THSD4: variants seen among roughly 807,000 people sequenced by gnomAD.
The protein encoded by THSD4 is thrombospondin type 1 domain containing 4.
THSD4 carries 69 observed loss-of-function variants against 119.0 expected under a neutral mutation model. That is an observed-to-expected ratio of 0.58 (90% CI 0.48 to 0.71). The LOEUF is 0.71. Among genes scored for constraint, THSD4 ranks in the 30% least tolerant of loss-of-function variants. The probability of loss-of-function intolerance (pLI) is 0.00; values close to 1 mark genes in which losing one functional copy is unlikely to be tolerated. For missense variants in THSD4, 1,393 were observed against 1,391.1 expected (o/e 1.00, Z -0.02); for synonymous variants, 524 against 540.4 (o/e 0.97, Z 0.42).
At chr15:71,260,485 T>TATACAGAGCA (rs1199582965) in intron 6 of THSD4, among the ~76,000 whole-genome samples, 1 of 152,134 alleles carries the variant, frequency 6.6e-6, no homozygotes, top group African/African-American at 2.4e-5. Context: ...CAGAGCATTA[T>TATACAGAGCA]TCATTGGTGG....
Position 71,777,331 on chromosome 15 carries a change from C to A in THSD4, c.3014C>A (p.Thr1005Asn). Residue 1005 changes from threonine to asparagine, a missense_variant, in exon 18 of 18, where the codon ACC becomes AAC. Thr to Asn is a moderately conservative substitution (Grantham distance 65). Transcript: ENST00000261862. ...YYKTACCASC[T>N]RVANRQTGFL... ...AAGACCGCCTGCTGTGCCTCCTGCA[C>A]CCGTGTGGCCAACAGGCAGACGGGC... is the stretch of plus-strand genomic sequence containing the variant. 6.2e-7 allele frequency: 1 copy of A among 1,614,218 alleles called. No individual in the cohort carries two copies. Among genetic ancestry groups the A allele is most frequent in the African/African-American group, 1.3e-5 (1 of 75,060 alleles).
At chr15:71,374,516 G>C (rs1324063800) in intron 6 of THSD4, among the ~76,000 whole-genome samples, 4 of 152,172 alleles carry the variant, frequency 2.6e-5, no homozygotes, top group African/African-American at 9.6e-5. Flanking sequence ...ATCCAAATCA[G>C]AAAGTGGTGG....
intron 6 of THSD4, among the ~76,000 whole-genome samples, chr15:71,355,391 CAT>C (rs1018149580): frequency 7.2e-4 from 110 of 152,228 alleles, no homozygotes; most frequent in South Asian, 5.0e-3. Context: ...CTGTGTGTGT[CAT>C]GTGTGTGTGC....
chr15:71,184,790 A>G (rs1221655134), intron 3 of THSD4, among the ~76,000 whole-genome samples: 1 of 151,776 alleles, frequency 6.6e-6, no homozygotes, highest in African/African-American at 2.4e-5. Flanking sequence ...CATCCTGGTC[A>G]TATACAACTG....
At chr15:71,459,166 T>C (rs1475634474) in intron 7 of THSD4, among the ~76,000 whole-genome samples, 6 of 147,470 alleles carry the variant, frequency 4.1e-5, no homozygotes, top group African/African-American at 5.0e-5. Flanking sequence ...TTTTCTTTTT[T>C]TTTTTTTTTT....
At chr15:71,454,378 G>A (rs1232242666) in intron 7 of THSD4, among the ~76,000 whole-genome samples, 5 of 152,222 alleles carry the variant, frequency 3.3e-5, no homozygotes, top group Non-Finnish European at 7.3e-5. Context: ...TTTTCTGTAT[G>A]TTGATGTAAC....
chr15:71,758,474 A>G (rs969680068), intron 15 of THSD4, among the ~76,000 whole-genome samples: 7 of 152,244 alleles, frequency 4.6e-5, no homozygotes, highest in African/African-American at 1.7e-4. Context: ...GGCTGCTGCT[A>G]TTATTCCTGT....
At chr15:71,743,978 A>G (rs1019675422) in intron 11 of THSD4, among the ~76,000 whole-genome samples, 1 of 152,138 alleles carries the variant, frequency 6.6e-6, no homozygotes, top group Non-Finnish European at 1.5e-5. Flanking sequence ...TCCCGGCAGG[A>G]GTTGTATACT....
intron 4 of THSD4, 32 bp from the exon 5 acceptor site, chr15:71,242,617 G>GATC (rs769966789): frequency 6.3e-7 from 1 of 1,598,700 alleles, no homozygotes; most frequent in Non-Finnish European, 8.6e-7. Context: ...ATCCGACTCT[G>GATC]ATCATCTCCT....
chr15:71,204,744 T>C (rs2043830156), intron 3 of THSD4, among the ~76,000 whole-genome samples: 1 of 152,186 alleles, frequency 6.6e-6, no homozygotes, highest in African/African-American at 2.4e-5. Flanking sequence ...GTTATACCTC[T>C]TTTATTAAAA....
chr15:71,400,587 G>T (rs980118667), intron 6 of THSD4, among the ~76,000 whole-genome samples: 5 of 152,214 alleles, frequency 3.3e-5, no homozygotes, highest in African/African-American at 4.8e-5. Flanking sequence ...CTGTGGCTCT[G>T]ACTGCTCCTG....
chr15:71,341,566 T>A, intron 6 of THSD4: 4 of 1,608,324 alleles, frequency 2.5e-6, no homozygotes, highest in Non-Finnish European at 3.4e-6. Flanking sequence ...AAGTGACATC[T>A]TTCAGATACT....
At chr15:71,588,607 G>A (rs1034439364) in intron 7 of THSD4, among the ~76,000 whole-genome samples, 5 of 151,818 alleles carry the variant, frequency 3.3e-5, no homozygotes, top group African/African-American at 9.7e-5. Context: ...TGTATTTTTT[G>A]TATTTTTAGT....
At chr15:71,380,104 T>G (rs2046207957) in intron 6 of THSD4, among the ~76,000 whole-genome samples, 1 of 152,136 alleles carries the variant, frequency 6.6e-6, no homozygotes, top group African/African-American at 2.4e-5. Context: ...AAAGGCAAAT[T>G]CCAAAGTTAG....
rs558763621 is a variant in THSD4 at position 71,470,442 on chromosome 15, G to A, written c.1152+58619G>A. Among the ~76,000 whole-genome samples the A allele has an allele frequency of 2.0e-3, 299 of 152,260 alleles. 17 individuals are homozygous for A. In the South Asian group the frequency reaches 0.06, roughly 31 times the overall value. On this transcript the variant is annotated intron_variant, in intron 7 of 17. Transcript: ENST00000261862. ...TAACCACTGCTAGAAAATAATAACA[G>A]CAATTGCCAGCATTGCTATGGCAGA...
intron 8 of THSD4, among the ~76,000 whole-genome samples, chr15:71,687,781 C>T (rs550936083): frequency 2.1e-5 from 3 of 140,200 alleles, no homozygotes; most frequent in African/African-American, 7.8e-5. Flanking sequence ...AACAAACCAG[C>T]ACCTCAGAAA....
chr15:71,212,521 G>C (rs1473713884), intron 3 of THSD4, among the ~76,000 whole-genome samples: 11 of 152,150 alleles, frequency 7.2e-5, no homozygotes, highest in Non-Finnish European at 1.5e-5. Context: ...ATCAGGAGGC[G>C]GTGGATAACT....
chr15:71,737,634 C>G (rs2053139268), intron 10 of THSD4, 98 bp from the exon 11 acceptor site: 2 of 1,435,766 alleles, frequency 1.4e-6, no homozygotes, highest in Non-Finnish European at 1.8e-6. Context: ...TAGAAACGAT[C>G]TCATGCTACA....
chr15:71,410,280 T>C (rs4777384), intron 6 of THSD4, among the ~76,000 whole-genome samples: 21,851 of 152,152 alleles, frequency 0.14, 1,914 homozygotes, highest in Admixed American at 0.23. Flanking sequence ...GACAGAGACA[T>C]CCTGTATTCT....
Sources: allele counts gnomAD v4.1 joint callset (sites outside exome capture counted in the v4.1 genomes callset), GRCh38; gene constraint gnomAD v4.1.1; transcripts MANE v1.5; gene names NCBI Gene and HGNC (gene_info 2026-07-23, HGNC 2026-07-21).